The following DTX3L variants were observed in gnomAD, a reference collection of about 807,000 sequenced individuals.
The protein encoded by DTX3L is E3 ubiquitin-protein ligase DTX3L.
Under a neutral mutation model 60.9 loss-of-function variants are expected in DTX3L, and 34 were observed. The ratio of observed to expected loss-of-function variants is 0.56; its 90% confidence interval spans 0.42 to 0.74. DTX3L has a LOEUF of 0.74. Ranked by LOEUF, DTX3L falls within the 30% of genes least tolerant of loss-of-function variation. The pLI, the probability that DTX3L is intolerant of heterozygous loss-of-function variation, is 0.00. For missense variants in DTX3L, 810 were observed against 874.0 expected, an observed-to-expected ratio of 0.93 and a Z score of 0.92; for synonymous variants, 290 against 316.6, an observed-to-expected ratio of 0.92 and a Z score of 0.89.
chr3:122,570,548 CT>C lies in DTX3L; in HGVS notation c.2032del (p.Tyr678IlefsTer8). On this transcript the variant is annotated frameshift_variant, in exon 4 of 5. Transcript: ENST00000296161. LOFTEE classifies it high-confidence loss of function. ...GGAAGGAAGGAAGGTTTTGAAACTG[CT>C]TTATAGGGCCTTTGACCAAAAGCTG... ...NKEGRKVLKL[L>X]YRAFDQKLIF... 3.1e-6 allele frequency: 5 copies of C among 1,614,170 alleles called. No homozygotes were observed. Among genetic ancestry groups the C allele is most frequent in the Non-Finnish European group, 3.4e-6 (4 of 1,180,034 alleles).
chr3:122,570,138 G>A (rs754322761), intron 3 of DTX3L, 114 bp downstream of exon 3: 17 of 1,173,380 alleles, frequency 1.4e-5, no homozygotes, highest in Non-Finnish European at 1.7e-5. Flanking sequence ...TATCTCCAGG[G>A]TCATGTGCAA....
In DTX3L at chr3:122,570,650, T is replaced by A; in HGVS notation, c.2131T>A (p.Ser711Thr). Residue 711 changes from serine to threonine, a missense_variant, in exon 4 of 5, where the codon TCC (serine) becomes ACC (threonine). Transcript: ENST00000296161. ...TTGGAATGATATTCACCACAAAACA[T>A]CCCGGTTTGGAGGACCAGAAATGTG... is the stretch of plus-strand genomic sequence containing the variant. Reference protein sequence around the residue: ...ITWNDIHHKTSRFGGPEMYGY... With the variant: ...ITWNDIHHKTTRFGGPEMYGY... 2 of 1,614,148 alleles carry A rather than the reference T, an allele frequency of 1.2e-6. No individual in the cohort carries two copies. The highest frequency in any genetic ancestry group is 1.7e-6 in the Non-Finnish European group (2 of 1,180,030).
Position 122,564,468 on chromosome 3 carries a change from G to C in DTX3L, c.42G>C (p.Arg14=), listed in dbSNP as rs752135864. ...GCCCGCCGTCCCCGCTCCTCGTGCG[G>C]GTGTACAAGTCCGGCCCCCGAGTAC... The part of the protein sequence containing the change: ...HLRPPSPLLV[R]VYKSGPRVRR... The change falls in exon 1 of 5, where the codon CGG becomes CGC. Residue 14 remains arginine (R), a synonymous_variant. Coordinates refer to ENST00000296161, the MANE Select transcript of DTX3L (RefSeq NM_138287.3). 5 of 1,612,570 alleles carry C rather than the reference G, an allele frequency of 3.1e-6. No homozygotes were observed. The highest frequency in any genetic ancestry group is 4.2e-6 in the Non-Finnish European group (5 of 1,179,420).
intron 2 of DTX3L, 43 bp from the exon 3 acceptor site, chr3:122,568,446 T>C (rs1406056997): frequency 1.3e-6 from 2 of 1,494,604 alleles, no homozygotes; most frequent in East Asian, 2.3e-5. Context: ...TAGGCCTGCA[T>C]GCTGAGAGGT....
Position 122,569,495 on chromosome 3 carries a change from A to T in DTX3L, c.1406A>T (p.Lys469Met). ...GKERKHLHQT[K>M]FADDFRKRHP... ...GAGAGAAAGCACTTACATCAGACCA[A>T]GTTTGCTGATGACTTTAGAAAAAGA... Residue 469 changes from lysine (K) to methionine (M), a missense_variant, in exon 3 of 5, where the codon AAG becomes ATG. By Grantham distance (95) the Lys-to-Met change is moderately conservative. Coordinates refer to ENST00000296161, the MANE Select transcript of DTX3L (RefSeq NM_138287.3). 1.9e-6 allele frequency: 3 copies of T among 1,614,210 alleles called. No homozygotes were observed. The highest frequency in any genetic ancestry group is 2.5e-6 in the Non-Finnish European group (3 of 1,180,038).
rs2080626239 is a variant in DTX3L at position 122,569,208 on chromosome 3, C to T, written c.1119C>T (p.Tyr373=). Residue 373 remains tyrosine (Y), a synonymous_variant, in exon 3 of 5, where the codon TAC becomes TAT. Coordinates refer to ENST00000296161, the MANE Select transcript of DTX3L (RefSeq NM_138287.3). ...KIPVKLFAAN[Y]MMNVIEVDSA... is the part of the protein sequence containing the mutation. The stretch of plus-strand genomic sequence containing the variant: ...CTGTGAAACTATTTGCTGCCAATTA[C>T]ATGATGAATGTAATTGAGGTTGATA... 2 of 1,614,174 alleles carry T rather than the reference C, an allele frequency of 1.2e-6. No homozygotes were observed. Among genetic ancestry groups the T allele is most frequent in the East Asian group, 2.2e-5 (1 of 44,884 alleles).
In DTX3L at chr3:122,571,829, T is replaced by TTCTACATAAGG; in HGVS notation, c.*82_*83insTCTACATAAGG. On this transcript the variant is annotated 3_prime_UTR_variant, in exon 5 of 5. Transcript: ENST00000296161. The stretch of plus-strand genomic sequence containing the variant: ...CTGATTTAATGCCAGTCTAAATCCT[T>TTCTACATAAGG]ATGTAGAAAGGACTTTGAAATTTTT... 3 of 1,200,694 alleles carry TTCTACATAAGG rather than the reference T, an allele frequency of 2.5e-6. No homozygotes were observed. The highest frequency in any genetic ancestry group is 3.5e-6 in the Non-Finnish European group (3 of 856,648). The allele number at this position is 1,200,694 out of a possible 1,614,324, so 74.4% of individuals were successfully genotyped here.
intron 2 of DTX3L, among the ~76,000 whole-genome samples, chr3:122,567,194 G>T (rs991456902): frequency 6.6e-6 from 1 of 152,160 alleles, no homozygotes; most frequent in Non-Finnish European, 1.5e-5. Flanking sequence ...TGAAGGTAAG[G>T]ATTTTGGATT....
rs889716015 is a variant in DTX3L at position 122,572,769 on chromosome 3, G to A, written c.*1022G>A. 10 of 152,126 alleles carry A rather than the reference G, an allele frequency of 6.6e-5. No individual in the cohort carries two copies. The highest frequency in any genetic ancestry group is 1.9e-4 in the African/African-American group (8 of 41,404). 9.4% of individuals were successfully genotyped at this position (152,126 alleles called of 1,614,324 possible). A position where few individuals can be genotyped will look rare whatever the true frequency, so the allele number is the denominator to read the frequency against. ...ATTTTTTGTATTTTTAGTAGAGACG[G>A]GGTTTTGCCATGTTGGCCAGGCTGG... On this transcript the variant is annotated 3_prime_UTR_variant, in exon 5 of 5. Transcript: ENST00000296161.
At position 122,564,534 on chromosome 3, in the gene DTX3L, G is replaced by A; in HGVS notation, c.108G>A (p.Ser36=). ...GCTACTTCCAGAGCTCTAAGTCCTC[G>A]GGCGGCGGGGAGTGCACGGTCAGCA... ...LESYFQSSKS[S]GGGECTVSTQ... The change falls in exon 1 of 5, where the codon TCG becomes TCA. Residue 36 remains serine, a synonymous_variant. Transcript: ENST00000296161. 2 of 1,610,884 alleles carry A rather than the reference G, an allele frequency of 1.2e-6. No individual in the cohort carries two copies. The highest frequency in any genetic ancestry group is 1.7e-6 in the Non-Finnish European group (2 of 1,178,254).
At position 122,564,576 on chromosome 3, in the gene DTX3L, C is replaced by G. The variant is rs2080515735; in HGVS notation, c.150C>G (p.Ala50=). Reference sequence around the variant, plus strand: ...CGGTCAGCACCCAGGAACACGAAGCCCCGGGCACCTTCCGGGTGGAGTTCA... The same window carrying G: ...CGGTCAGCACCCAGGAACACGAAGCGCCGGGCACCTTCCGGGTGGAGTTCA... ...ECTVSTQEHE[A]PGTFRVEFSE... The change falls in exon 1 of 5, where the codon GCC becomes GCG. Residue 50 remains alanine, a synonymous_variant. Coordinates refer to ENST00000296161, the MANE Select transcript of DTX3L (RefSeq NM_138287.3). 6.2e-7 allele frequency: 1 copy of G among 1,602,886 alleles called. No homozygotes were observed. The highest frequency in any genetic ancestry group is 1.4e-5 in the African/African-American group (1 of 73,652).
At position 122,571,931 on chromosome 3, in the gene DTX3L, A is replaced by G. The variant is rs1394817200; in HGVS notation, c.*184A>G. The G allele has an allele frequency of 2.1e-6, 1 of 476,398 alleles. No individual in the cohort carries two copies. The highest frequency in any genetic ancestry group is 3.8e-6 in the Non-Finnish European group (1 of 265,936). The allele number at this position is 476,398 out of a possible 1,614,324, so 29.5% of individuals were successfully genotyped here. ...CTGGAGTGATACTTTTTTTTTTGAG[A>G]CGGAGTCTGCTCTGTCGCTCGCGCT... On this transcript the variant is annotated 3_prime_UTR_variant, in exon 5 of 5. Coordinates refer to ENST00000296161, the MANE Select transcript of DTX3L (RefSeq NM_138287.3).
chr3:122,565,243 T>C (rs1033326453), intron 1 of DTX3L, among the ~76,000 whole-genome samples: 8 of 151,986 alleles, frequency 5.3e-5, no homozygotes, highest in Non-Finnish European at 1.0e-4. Context: ...CCGGGTGCGG[T>C]GGCTCACGCC....
In DTX3L at chr3:122,569,425, T is replaced by G. The variant is rs1271148840; in HGVS notation, c.1336T>G (p.Cys446Gly). Residue 446 changes from cysteine (C) to glycine (G), a missense_variant, in exon 3 of 5, where the codon TGT becomes GGT. Cys to Gly is a radical substitution (Grantham distance 159). Transcript: ENST00000296161. Reference sequence around the variant, plus strand: ...CATCGATGCCTTTCAACATGCCTCATGTCAGTTGATGAGAGAAGTTCTTTT... The same window carrying G: ...CATCGATGCCTTTCAACATGCCTCAGGTCAGTTGATGAGAGAAGTTCTTTT... Reference protein sequence around the residue: ...SFIDAFQHASCQLMREVLLLK... With the variant: ...SFIDAFQHASGQLMREVLLLK... 3.7e-6 allele frequency: 6 copies of G among 1,614,212 alleles called. No individual in the cohort carries two copies. The South Asian group carries it at 6.6e-5, about 18-fold the overall frequency.
chr3:122,565,786 G>GA, intron 1 of DTX3L, 73 bp from the exon 2 acceptor site: 1 of 1,450,340 alleles, frequency 6.9e-7, no homozygotes, highest in South Asian at 1.2e-5. Context: ...ACAGACACAG[G>GA]AATGAGAGGA....
intron 4 of DTX3L, 83 bp downstream of exon 4, chr3:122,570,755 T>A: frequency 7.2e-7 from 1 of 1,390,374 alleles, no homozygotes; most frequent in Non-Finnish European, 1.0e-6. Flanking sequence ...TGGATATAAG[T>A]AGACTCTATA....
chr3:122,568,845 TAAAATCAA>T lies in DTX3L; in HGVS notation c.757_764del (p.Lys253LeufsTer11), dbSNP rs1201192088. 1 of 1,614,082 alleles carries T rather than the reference TAAAATCAA, an allele frequency of 6.2e-7. No homozygotes were observed. The highest frequency in any genetic ancestry group is 8.5e-7 in the Non-Finnish European group (1 of 1,180,020). ...AATACTTTAAATATATCTGTCCTGA[TAAAATCAA>T]CTCAATAGAGAAAAGATTTGGTGTA... On this transcript the variant is annotated frameshift_variant, in exon 3 of 5. Transcript: ENST00000296161. LOFTEE classifies it high-confidence loss of function.
rs574569595 is a variant in DTX3L, at chr3:122,574,159, A to C, written c.*2412A>C. On this transcript the variant is annotated 3_prime_UTR_variant, in exon 5 of 5. Coordinates refer to ENST00000296161, the MANE Select transcript of DTX3L (RefSeq NM_138287.3). ...AGCTCACTTCCAGGTTTAACAGACAAAATAAACTTACTCTAGTTTCCATCT... is the reference window on the plus strand; with the variant it reads ...AGCTCACTTCCAGGTTTAACAGACACAATAAACTTACTCTAGTTTCCATCT... 1 of 152,288 alleles carries C rather than the reference A, an allele frequency of 6.6e-6. No individual in the cohort carries two copies. Among genetic ancestry groups the C allele is most frequent in the South Asian group, 2.1e-4 (1 of 4,824 alleles). The allele number at this position is 152,288 out of a possible 1,614,324, so 9.4% of individuals were successfully genotyped here. A position where few individuals can be genotyped will look rare whatever the true frequency, so the allele number is the denominator to read the frequency against.
chr3:122,568,488 G>A lies in DTX3L; in HGVS notation c.400-1G>A. On this transcript the variant is annotated splice_acceptor_variant, in intron 2 of 4. Transcript: ENST00000296161. LOFTEE classifies it high-confidence loss of function. ...TGTTCCTGTTCCTTTTAAAATTTCA[G>A]ATCTTTCTTACTGTAACAGCTGACC... 6.3e-7 allele frequency: 1 copy of A among 1,586,332 alleles called. No individual in the cohort carries two copies. The highest frequency in any genetic ancestry group is 1.8e-5 in the Admixed American group (1 of 54,472).
Sources: gnomAD v4.1 joint callset for allele counts (sites outside exome capture counted in the v4.1 genomes callset) on GRCh38, gnomAD v4.1.1 for gene constraint, MANE v1.5 for transcripts, NCBI Gene and HGNC (gene_info 2026-07-23, HGNC 2026-07-21) for gene names.